Variants in MAPKAPK5 observed in about 807,000 individuals in gnomAD.
The protein encoded by MAPKAPK5 is MAP kinase-activated protein kinase 5.
MAPKAPK5 carries 30 observed loss-of-function variants against 65.1 expected under a neutral mutation model. The ratio of observed to expected loss-of-function variants is 0.46; its 90% CI spans 0.34 to 0.63. MAPKAPK5 has a LOEUF of 0.63. Among genes scored for constraint, MAPKAPK5 ranks in the 20% least tolerant of loss-of-function variants. The pLI is 0.01. For synonymous variants in MAPKAPK5, 179 were observed against 204.6 expected (o/e 0.87, Z 1.07); for missense variants, 433 against 581.4 (o/e 0.74, Z 2.63).
chr12:111,881,051 G>A (rs1289058755), intron 8 of MAPKAPK5, among the ~76,000 whole-genome samples: 3 of 152,062 alleles, frequency 2.0e-5, no homozygotes, highest in Non-Finnish European at 2.9e-5. Context: ...GTAATATTAC[G>A]GTTCTTAATC....
intron 1 of MAPKAPK5, among the ~76,000 whole-genome samples, chr12:111,863,664 T>G (rs966027388): frequency 6.6e-6 from 1 of 150,804 alleles, no homozygotes; most frequent in African/African-American, 2.4e-5. Flanking sequence ...TGGAGTGCAA[T>G]GGCGTGATCT....
intron 12 of MAPKAPK5, chr12:111,889,483 T>C (rs1418376935): frequency 6.0e-6 from 1 of 167,330 alleles, no homozygotes; most frequent in South Asian, 1.5e-4. Flanking sequence ...GCAGAGTGAC[T>C]TACACGTGGG....
intron 7 of MAPKAPK5, among the ~76,000 whole-genome samples, chr12:111,874,472 T>G (rs1054160403): frequency 1.4e-5 from 2 of 144,714 alleles, no homozygotes; most frequent in African/African-American, 5.2e-5. Flanking sequence ...TGTTTTGGGT[T>G]TTTTTTTTTT....
At chr12:111,889,937 C>G (rs2070547800) in intron 12 of MAPKAPK5, 103 bp from the exon 13 acceptor site, 2 of 713,246 alleles carry the variant, frequency 2.8e-6, no homozygotes, top group Non-Finnish European at 4.9e-6. Context: ...CACATTCAGT[C>G]AACATTTTTC....
chr12:111,879,830 C>T (rs1174679130), intron 7 of MAPKAPK5: 1 of 154,734 alleles, frequency 6.5e-6, no homozygotes, highest in Admixed American at 6.3e-5. Flanking sequence ...AGTTGTATCC[C>T]ATCCGCCCCA....
chr12:111,872,987 C>T (rs1192235937), intron 7 of MAPKAPK5, among the ~76,000 whole-genome samples: 4 of 152,116 alleles, frequency 2.6e-5, no homozygotes, highest in Admixed American at 6.5e-5. Flanking sequence ...TCATCTCAGT[C>T]TGTGACTTGC....
chr12:111,860,103 C>G (rs778687145), intron 1 of MAPKAPK5, among the ~76,000 whole-genome samples: 2 of 152,150 alleles, frequency 1.3e-5, no homozygotes, highest in African/African-American at 2.4e-5. Context: ...TTTTTTCTTC[C>G]CAGCCTGGCT....
At chr12:111,861,402 C>T (rs2069431786) in intron 1 of MAPKAPK5, among the ~76,000 whole-genome samples, 1 of 151,744 alleles carries the variant, frequency 6.6e-6, no homozygotes, top group Non-Finnish European at 1.5e-5. Context: ...GATCTCGGCT[C>T]ACTGCAACCT....
At chr12:111,842,796 C>T (rs973239240) in intron 1 of MAPKAPK5, 27 bp downstream of exon 1, 3 of 1,310,874 alleles carry the variant, frequency 2.3e-6, no homozygotes, top group Non-Finnish European at 2.9e-6. Context: ...CCCTCTTCCC[C>T]CGCGTTGTCC....
intron 1 of MAPKAPK5, among the ~76,000 whole-genome samples, chr12:111,846,045 T>A (rs1004282059): frequency 6.6e-6 from 1 of 152,222 alleles, no homozygotes; most frequent in Non-Finnish European, 1.5e-5. Context: ...TCTTAAAATT[T>A]TTTTAGCTTT....
chr12:111,884,236 A>C (rs2070332348), intron 9 of MAPKAPK5, among the ~76,000 whole-genome samples: 3 of 152,204 alleles, frequency 2.0e-5, no homozygotes, highest in Admixed American at 6.5e-5. Flanking sequence ...TTTGAGATGG[A>C]GTCTCGCTCT....
At chr12:111,862,125 C>T (rs1217987682) in intron 1 of MAPKAPK5, among the ~76,000 whole-genome samples, 1 of 148,794 alleles carries the variant, frequency 6.7e-6, no homozygotes, top group Non-Finnish European at 1.5e-5. Context: ...AATGTGCCAG[C>T]CGTGGGCAAT....
chr12:111,869,178 G>A (rs1430465420), intron 5 of MAPKAPK5, among the ~76,000 whole-genome samples: 2 of 152,156 alleles, frequency 1.3e-5, no homozygotes, highest in African/African-American at 2.4e-5. Context: ...ACCAAGTACT[G>A]TTATTGGACT....
chr12:111,891,979 A>G (rs1196186386), intron 13 of MAPKAPK5, among the ~76,000 whole-genome samples: 1 of 152,040 alleles, frequency 6.6e-6, no homozygotes, highest in Non-Finnish European at 1.5e-5. Flanking sequence ...CCTCCATTCA[A>G]AGGTAATCAC....
intron 4 of MAPKAPK5, 99 bp from the exon 5 acceptor site, chr12:111,868,654 A>G: frequency 1.2e-6 from 1 of 858,276 alleles, no homozygotes. Context: ...CACTTTGTAG[A>G]TGCAGTATCT....
At chr12:111,873,702 T>G (rs1222110001) in intron 7 of MAPKAPK5, among the ~76,000 whole-genome samples, 2 of 152,254 alleles carry the variant, frequency 1.3e-5, no homozygotes, top group African/African-American at 4.8e-5. Context: ...TTCTGGATTC[T>G]ATTCTGTTTG....
chr12:111,880,340 G>C, intron 7 of MAPKAPK5, 107 bp from the exon 8 acceptor site: 1 of 886,904 alleles, frequency 1.1e-6, no homozygotes, highest in Admixed American at 2.1e-5. Context: ...TTCGATGGCT[G>C]ATTGCCAGTT....
At chr12:111,851,989 G>A (rs1309518992) in intron 1 of MAPKAPK5, among the ~76,000 whole-genome samples, 1 of 152,186 alleles carries the variant, frequency 6.6e-6, no homozygotes, top group Non-Finnish European at 1.5e-5. Flanking sequence ...TGATGGAGAT[G>A]AGTGCTTCTG....
chr12:111,880,073 A>C (rs2070141865), intron 7 of MAPKAPK5: 3 of 270,546 alleles, frequency 1.1e-5, no homozygotes, highest in Non-Finnish European at 2.2e-5. Context: ...GACTGACATG[A>C]CTGTCATAGT....
Sources: allele counts gnomAD v4.1 joint callset (sites outside exome capture counted in the v4.1 genomes callset), GRCh38; gene constraint gnomAD v4.1.1; transcripts MANE v1.5; gene names NCBI Gene and HGNC (gene_info 2026-07-23, HGNC 2026-07-21).